POLK: variants seen among roughly 807,000 people sequenced by gnomAD.
POLK encodes polymerase (DNA directed) kappa.
POLK carries 76 observed loss-of-function variants against 94.0 expected under a neutral mutation model. The ratio of observed to expected loss-of-function variants is 0.81; its 90% confidence interval spans 0.67 to 0.98. POLK has a LOEUF of 0.98. POLK is among the 50% of genes least tolerant of loss of function. POLK has a pLI of 0.00. For synonymous variants in POLK, 349 were observed against 325.4 expected (o/e 1.07, Z -0.78); for missense variants, 954 against 1,010.1 (o/e 0.94, Z 0.75).
chr5:75,598,508 G>C (rs5744720), exon 15 of POLK: 8,730 of 152,514 alleles, frequency 0.057, 515 homozygotes, highest in African/African-American at 0.15. Flanking sequence ...TTTTCTTCAG[G>C]AAAATAAATA....
chr5:75,528,806 G>C (rs1768994446), intron 1 of POLK, among the ~76,000 whole-genome samples: 1 of 152,140 alleles, frequency 6.6e-6, no homozygotes, highest in Admixed American at 6.6e-5. Flanking sequence ...GCAAGATCCT[G>C]TCTCTTAAAC....
At chr5:75,603,128 A>G (rs936375500), downstream of POLK, among the ~76,000 whole-genome samples, 3 of 152,038 alleles carry the variant, frequency 2.0e-5, no homozygotes, top group Non-Finnish European at 4.4e-5. Context: ...AATAGGAGAT[A>G]TTTTTTCTGC....
chr5:75,534,568 T>TA (rs1020458719), intron 1 of POLK, among the ~76,000 whole-genome samples: 13 of 152,314 alleles, frequency 8.5e-5, no homozygotes, highest in African/African-American at 2.6e-4. Context: ...AGTGGGGTGT[T>TA]ACAATCTCCC....
At chr5:75,521,425 C>T (rs916336665) in intron 1 of POLK, among the ~76,000 whole-genome samples, 2 of 152,044 alleles carry the variant, frequency 1.3e-5, no homozygotes, top group African/African-American at 4.8e-5. Context: ...TTCTCAGTTC[C>T]ACCAAGATTT....
intron 1 of POLK, among the ~76,000 whole-genome samples, chr5:75,522,844 A>G (rs1263123024): frequency 6.6e-6 from 1 of 151,810 alleles, no homozygotes; most frequent in South Asian, 2.1e-4. Context: ...GTAGGATAGA[A>G]TCAGTTTTAT....
At position 75,584,823 on chromosome 5, in the gene POLK, G is replaced by C. The variant is rs763237470; in HGVS notation, c.1123G>C (p.Glu375Gln). The change falls in exon 9 of 15, where the codon GAA becomes CAA. Residue 375 changes from glutamate to glutamine, a missense_variant. Glu to Gln is a conservative substitution (Grantham distance 29). Coordinates refer to ENST00000241436, the Ensembl canonical transcript of POLK. ...GGCCCTTGGAATTATTACATGTACAGAACTTTACCAACAGAGGGCATTGCT... is the reference window on the plus strand; with the variant it reads ...GGCCCTTGGAATTATTACATGTACACAACTTTACCAACAGAGGGCATTGCT... 12 of 1,600,222 alleles carry C rather than the reference G, an allele frequency of 7.5e-6. No individual in the cohort carries two copies. The East Asian group carries it at 2.7e-4, about 36-fold the overall frequency.
intron 1 of POLK, among the ~76,000 whole-genome samples, chr5:75,542,706 T>A (rs1250111974): frequency 7.3e-6 from 1 of 137,392 alleles, no homozygotes; most frequent in African/African-American, 3.1e-5. Context: ...TATATATGTA[T>A]TTTTTTTTTG....
intron 12 of POLK, among the ~76,000 whole-genome samples, chr5:75,595,202 C>T (rs533867832): frequency 3.0e-5 from 4 of 134,176 alleles, no homozygotes; most frequent in East Asian, 2.2e-4. Context: ...GCTGAGATCA[C>T]GCTGTTGCAC....
intron 11 of POLK, 146 bp from the exon 12 acceptor site, chr5:75,593,732 A>C (rs962340420): frequency 2.1e-6 from 1 of 479,586 alleles, no homozygotes; most frequent in South Asian, 4.5e-5. Context: ...AATCTTAGCT[A>C]CTCAGGAGGC....
chr5:75,563,209 G>A (rs933881206), intron 3 of POLK, among the ~76,000 whole-genome samples: 22 of 152,182 alleles, frequency 1.4e-4, no homozygotes, highest in African/African-American at 4.6e-4. Context: ...TGATCTGCCC[G>A]CTTCAGCCTC....
At chr5:75,604,522 G>A (rs984330085), downstream of POLK, among the ~76,000 whole-genome samples, 3 of 152,098 alleles carry the variant, frequency 2.0e-5, no homozygotes, top group African/African-American at 4.8e-5. Context: ...CTACAGGCTG[G>A]TGCCATGATG....
chr5:75,550,584 A>G (rs1770287749), intron 2 of POLK, among the ~76,000 whole-genome samples: 1 of 152,202 alleles, frequency 6.6e-6, no homozygotes, highest in African/African-American at 2.4e-5. Flanking sequence ...TTCTCAGAAA[A>G]AGATAAAAAA....
At chr5:75,561,813 T>C (rs1374130268) in intron 3 of POLK, among the ~76,000 whole-genome samples, 1 of 152,152 alleles carries the variant, frequency 6.6e-6, no homozygotes, top group African/African-American at 2.4e-5. Context: ...GATCAGATGG[T>C]TGTAGATATG....
chr5:75,586,822 G>C (rs1772495416), intron 9 of POLK, among the ~76,000 whole-genome samples: 1 of 152,016 alleles, frequency 6.6e-6, no homozygotes, highest in Admixed American at 6.6e-5. Context: ...AATAGATATA[G>C]ACTTGATTCA....
intron 1 of POLK, among the ~76,000 whole-genome samples, chr5:75,517,612 A>G (rs919569645): frequency 2.0e-5 from 3 of 152,208 alleles, no homozygotes; most frequent in Non-Finnish European, 1.5e-5. Context: ...TTCCTTTGCA[A>G]TTTAGATGCC....
chr5:75,575,244 G>T (rs918959152), intron 5 of POLK, among the ~76,000 whole-genome samples: 1 of 152,070 alleles, frequency 6.6e-6, no homozygotes, highest in Non-Finnish European at 1.5e-5. Context: ...GCCGTGACTC[G>T]ATCATACCTC....
At chr5:75,586,852 C>A (rs1772497361) in intron 9 of POLK, among the ~76,000 whole-genome samples, 174 bp from the exon 10 acceptor site, 1 of 151,912 alleles carries the variant, frequency 6.6e-6, no homozygotes, top group Non-Finnish European at 1.5e-5. Context: ...TAGCATCTTA[C>A]CTACCTATGT....
downstream of POLK, among the ~76,000 whole-genome samples, chr5:75,604,985 TCTTA>T (rs1304687343): frequency 1.3e-5 from 2 of 152,170 alleles, no homozygotes; most frequent in African/African-American, 4.8e-5. Flanking sequence ...ATTGTGATAG[TCTTA>T]CTTTGTAACT....
At chr5:75,606,548 G>A in the POLK span, among the ~76,000 whole-genome samples, 74 of 127,964 alleles carry the variant, frequency 5.8e-4, 1 homozygote, top group African/African-American at 2.2e-3. Context: ...AGGGAGTGGT[G>A]ATGACTCTTA....
Sources: gnomAD v4.1 joint callset for allele counts (sites outside exome capture counted in the v4.1 genomes callset) on GRCh38, gnomAD v4.1.1 for gene constraint, MANE v1.5 for transcripts, NCBI Gene and HGNC (gene_info 2026-07-23, HGNC 2026-07-21) for gene names.